Variants in PTK2 observed in about 807,000 individuals in gnomAD.
PTK2 encodes the protein protein tyrosine kinase 2, also known as focal adhesion kinase 1.
A neutral mutation model predicts 150.1 loss-of-function variants in PTK2; 45 were observed. The ratio of observed to expected loss-of-function variants is 0.30; its 90% CI spans 0.24 to 0.38. PTK2 has a LOEUF of 0.38. PTK2 is among the 10% of genes least tolerant of loss of function. The probability of loss-of-function intolerance (pLI) is 1.00; values close to 1 mark genes in which losing one functional copy is unlikely to be tolerated. For synonymous variants in PTK2, 432 were observed against 449.2 expected, an observed-to-expected ratio of 0.96 and a Z score of 0.48; for missense variants, 919 against 1,307.3, an observed-to-expected ratio of 0.70 and a Z score of 4.58.
chr8:140,977,616 T>C (rs1379278397), intron 1 of PTK2, among the ~76,000 whole-genome samples: 2 of 107,768 alleles, frequency 1.9e-5, no homozygotes, highest in African/African-American at 5.9e-5. Context: ...AGCAAGACTG[T>C]CCAAAAAAAA....
chr8:140,932,540 A>G (rs965333982), intron 1 of PTK2, among the ~76,000 whole-genome samples: 2 of 152,158 alleles, frequency 1.3e-5, no homozygotes, highest in African/African-American at 2.4e-5. Context: ...TACAGTAAGC[A>G]AAACTGTCAA....
rs575353939 is a variant in PTK2, at chr8:140,876,257, T to C, written c.362+3214A>G. Among the ~76,000 whole-genome samples, 8 of 152,328 alleles carry C rather than the reference T, an allele frequency of 5.3e-5. No individual in the cohort carries two copies. In the South Asian group the frequency reaches 1.7e-3, roughly 32 times the overall value. ...ATTTTCGTTTTTCCTAAGGTGTTTTTGTAAGAGGTTCCTTTGGTGGCAAAT... is the reference window on the plus strand; with the variant it reads ...ATTTTCGTTTTTCCTAAGGTGTTTTCGTAAGAGGTTCCTTTGGTGGCAAAT... On this transcript the variant is annotated intron_variant, in intron 4 of 31. Coordinates refer to ENST00000522684, the Ensembl canonical transcript of PTK2.
chr8:140,814,642 T>A (rs564620525), intron 10 of PTK2, among the ~76,000 whole-genome samples: 2 of 152,310 alleles, frequency 1.3e-5, no homozygotes, highest in African/African-American at 4.8e-5. Context: ...GAACTAGGCA[T>A]TGAAGGAATG....
intron 1 of PTK2, among the ~76,000 whole-genome samples, chr8:140,959,252 C>T (rs577987057): frequency 8.6e-5 from 13 of 151,756 alleles, no homozygotes; most frequent in East Asian, 3.9e-4. Flanking sequence ...AAAAGTAGGC[C>T]GGGCGCAGTG....
At chr8:140,960,013 T>C (rs920379870) in intron 1 of PTK2, among the ~76,000 whole-genome samples, 5 of 147,656 alleles carry the variant, frequency 3.4e-5, no homozygotes, top group Non-Finnish European at 7.4e-5. Context: ...AGACTCTGTC[T>C]CAAAAAGAAA....
At chr8:140,665,569 A>G (rs1417657550) in intron 30 of PTK2, among the ~76,000 whole-genome samples, 2 of 152,150 alleles carry the variant, frequency 1.3e-5, no homozygotes, top group African/African-American at 2.4e-5. Flanking sequence ...TTGCAGCAAA[A>G]AGGGTCTAAC....
In PTK2 at chr8:140,770,707, G is replaced by A; in HGVS notation, c.1178-6417C>T. ...AATAGGAGAGCCTGTGCAAATATGA[G>A]TGCAGTACCCGTAGAAGGAGGATCA... On this transcript the variant is annotated intron_variant, in intron 14 of 31. Transcript: ENST00000522684. 1 of 1,305,336 alleles carries A rather than the reference G, an allele frequency of 7.7e-7. No homozygotes were observed. The highest frequency in any genetic ancestry group is 2.1e-4 in the Middle Eastern group (1 of 4,776). 80.9% of individuals were successfully genotyped at this position (1,305,336 alleles called of 1,614,324 possible).
At chr8:140,843,051 T>C (rs2100123250) in intron 7 of PTK2, among the ~76,000 whole-genome samples, 1 of 152,136 alleles carries the variant, frequency 6.6e-6, no homozygotes, top group South Asian at 2.1e-4. Flanking sequence ...GCGTAAGGTT[T>C]TGAAAGCCTT....
intron 27 of PTK2, among the ~76,000 whole-genome samples, chr8:140,685,961 A>T (rs1487500917): frequency 1.3e-5 from 2 of 152,244 alleles, no homozygotes; most frequent in African/African-American, 4.8e-5. Context: ...ACTGTTCACA[A>T]TAACAAGGTC....
chr8:140,846,762 C>A, intron 5 of PTK2, 84 bp from the exon 6 acceptor site: 16 of 920,536 alleles, frequency 1.7e-5, no homozygotes, highest in Non-Finnish European at 2.5e-5. Context: ...TTCCTGAGTA[C>A]CTTTCATATA....
At position 140,858,606 on chromosome 8, in the gene PTK2, T is replaced by A. The variant is rs545492883; in HGVS notation, c.450+5706A>T. ...ACAGCAAATAAACAATTAAAGACAG[T>A]AGGAAATAACCATCAAAATACTGAC... is the stretch of plus-strand genomic sequence containing the variant. On this transcript the variant is annotated intron_variant, in intron 5 of 31. Coordinates refer to ENST00000522684, the Ensembl canonical transcript of PTK2. 4.6e-5 allele frequency among the ~76,000 whole-genome samples: 7 copies of A among 152,076 alleles called. No homozygotes were observed. The South Asian group carries it at 1.5e-3, about 32-fold the overall frequency.
chr8:140,861,782 A>T (rs921178904), intron 5 of PTK2, among the ~76,000 whole-genome samples: 4 of 152,188 alleles, frequency 2.6e-5, no homozygotes, highest in African/African-American at 9.6e-5. Context: ...ATACAGAACA[A>T]GCACACGACT....
intron 2 of PTK2, among the ~76,000 whole-genome samples, chr8:140,897,304 C>T (rs539289307): frequency 2.1e-4 from 32 of 151,984 alleles, no homozygotes; most frequent in Non-Finnish European, 4.0e-4. Flanking sequence ...TACAATGTTA[C>T]CAGAATGAAG....
intron 17 of PTK2, among the ~76,000 whole-genome samples, chr8:140,748,508 A>G (rs928138314): frequency 6.7e-6 from 1 of 149,620 alleles, no homozygotes; most frequent in Non-Finnish European, 1.5e-5. Context: ...AAAAAAAAAA[A>G]AAAAAAAAAG....
chr8:140,699,403 C>T (rs2100028873), intron 26 of PTK2, among the ~76,000 whole-genome samples: 1 of 152,170 alleles, frequency 6.6e-6, no homozygotes, highest in South Asian at 2.1e-4. Flanking sequence ...GCAACAGGGA[C>T]CAGGAGTCTA....
intron 16 of PTK2, among the ~76,000 whole-genome samples, chr8:140,760,808 G>A (rs1405530559): frequency 1.3e-5 from 2 of 152,062 alleles, no homozygotes; most frequent in Non-Finnish European, 2.9e-5. Flanking sequence ...GTAAACTGGG[G>A]CAAATTAACA....
intron 2 of PTK2, chr8:140,921,023 C>T: frequency 1.5e-6 from 2 of 1,292,922 alleles, no homozygotes; most frequent in East Asian, 6.2e-5. Flanking sequence ...CCCCTGTGTG[C>T]TCCTTTTTTC....
intron 27 of PTK2, among the ~76,000 whole-genome samples, chr8:140,676,622 C>G (rs2100013925): frequency 7.9e-6 from 1 of 126,078 alleles, no homozygotes; most frequent in Non-Finnish European, 1.8e-5. Context: ...GCGGGGGGAA[C>G]AGCGTTAAGA....
chr8:140,870,855 T>C, intron 4 of PTK2, among the ~76,000 whole-genome samples: 1 of 152,196 alleles, frequency 6.6e-6, no homozygotes, highest in Admixed American at 6.5e-5. Context: ...TTAACAACTT[T>C]TGGTTATATT....
Sources: gnomAD v4.1 joint callset for allele counts (sites outside exome capture counted in the v4.1 genomes callset) on GRCh38, gnomAD v4.1.1 for gene constraint, MANE v1.5 for transcripts, NCBI Gene and HGNC (gene_info 2026-07-23, HGNC 2026-07-21) for gene names.